Variants in MTCL1 observed in about 807,000 individuals in gnomAD.
MTCL1 encodes the protein microtubule cross-linking factor 1.
Under a neutral mutation model 141.4 loss-of-function variants are expected in MTCL1, and 79 were observed. The ratio of observed to expected loss-of-function variants is 0.56; its 90% CI spans 0.47 to 0.67. The LOEUF (loss-of-function observed/expected upper bound fraction) is 0.67, where lower values mean the gene tolerates loss of function less well. MTCL1 is among the 30% of genes least tolerant of loss of function. MTCL1 has a pLI of 0.00. For synonymous variants in MTCL1, 914 were observed against 875.8 expected (o/e 1.04, Z -0.77); for missense variants, 2,177 against 2,113.9 (o/e 1.03, Z -0.59).
At chr18:8,790,675 C>T (rs2075691090) in intron 7 of MTCL1, among the ~76,000 whole-genome samples, 2 of 152,156 alleles carry the variant, frequency 1.3e-5, no homozygotes, top group South Asian at 4.1e-4. Flanking sequence ...GCTGAATTCC[C>T]AGGAAATTTA....
chr18:8,831,069 C>G (rs1333788047), intron 16 of MTCL1: 1 of 985,714 alleles, frequency 1.0e-6, no homozygotes, highest in Admixed American at 6.1e-5. Flanking sequence ...TTTGTTTAAG[C>G]TACTCCCAGT....
chr18:8,736,798 C>T (rs374507909), intron 4 of MTCL1, among the ~76,000 whole-genome samples: 80 of 152,022 alleles, frequency 5.3e-4, no homozygotes, highest in Admixed American at 1.4e-3. Context: ...CCACCATGCC[C>T]GGCTAATTTT....
At chr18:8,718,816 T>C (rs1020320682) in intron 3 of MTCL1, among the ~76,000 whole-genome samples, 168 bp downstream of exon 2, 1 of 152,170 alleles carries the variant, frequency 6.6e-6, no homozygotes, top group Non-Finnish European at 1.5e-5. Flanking sequence ...TATATGACTT[T>C]GACACCCCAA....
chr18:8,716,568 CATT>C (rs1178959073), upstream of MTCL1, among the ~76,000 whole-genome samples: 5,077 of 108,546 alleles, frequency 0.047, 277 homozygotes, highest in African/African-American at 0.17. Context: ...TCTTTTTGTT[CATT>C]TTTTTTTTTT....
At chr18:8,823,239 G>A (rs2076906050) in intron 14 of MTCL1, among the ~76,000 whole-genome samples, 1 of 152,152 alleles carries the variant, frequency 6.6e-6, no homozygotes, top group South Asian at 2.1e-4. Context: ...CACTGCTGAG[G>A]TTAATGCCTC....
chr18:8,760,458 A>T (rs1382293998), intron 4 of MTCL1, among the ~76,000 whole-genome samples: 1 of 152,234 alleles, frequency 6.6e-6, no homozygotes, highest in Non-Finnish European at 1.5e-5. Context: ...TCTCTAGGGC[A>T]GTGCCTTGAG....
At chr18:8,793,609 C>A (rs1430592552) in intron 8 of MTCL1, among the ~76,000 whole-genome samples, 1 of 152,146 alleles carries the variant, frequency 6.6e-6, no homozygotes, top group Non-Finnish European at 1.5e-5. Flanking sequence ...ATCTGCAAAT[C>A]CTTCCCCAGA....
chr18:8,793,025 C>T lies in MTCL1; in HGVS notation c.1915C>T (p.Gln639Ter). Residue 639 changes from glutamine to a stop codon, truncating the protein, a stop_gained, in exon 8 of 17, where the codon CAG becomes TAG. Coordinates refer to ENST00000359865, the Ensembl canonical transcript of MTCL1. LOFTEE classifies it high-confidence loss of function. The stretch of plus-strand genomic sequence containing the variant: ...CAGGGGCCCCCCCGTTTTACCTGAG[C>T]AGAGTGTATCCATAGAGGAGCTACA... 6.2e-7 allele frequency: 1 copy of T among 1,614,080 alleles called. No individual in the cohort carries two copies. The highest frequency in any genetic ancestry group is 8.5e-7 in the Non-Finnish European group (1 of 1,179,974).
chr18:8,766,570 G>C (rs760739011), intron 4 of MTCL1, among the ~76,000 whole-genome samples: 19 of 152,204 alleles, frequency 1.2e-4, no homozygotes, highest in Non-Finnish European at 2.8e-4. Flanking sequence ...TAATATACTA[G>C]CAGAGATATT....
intron 4 of MTCL1, among the ~76,000 whole-genome samples, chr18:8,738,683 G>A (rs1305537418): frequency 2.0e-5 from 3 of 152,168 alleles, no homozygotes; most frequent in African/African-American, 7.2e-5. Flanking sequence ...GCTTTTTAAA[G>A]TCAGGTTAGA....
intron 4 of MTCL1, among the ~76,000 whole-genome samples, chr18:8,727,664 T>C (rs1376267856): frequency 6.6e-6 from 1 of 152,238 alleles, no homozygotes; most frequent in East Asian, 1.9e-4. Flanking sequence ...GTTTCATTTT[T>C]CTATGTCATT....
intron 4 of MTCL1, among the ~76,000 whole-genome samples, chr18:8,733,142 A>G (rs1035567947): frequency 2.0e-5 from 3 of 152,190 alleles, no homozygotes; most frequent in African/African-American, 7.2e-5. Context: ...CTGAGGACGC[A>G]GTGCCTGGGA....
chr18:8,786,275 G>A (rs1414064288), intron 7 of MTCL1, 184 bp downstream of exon 6: 2 of 746,442 alleles, frequency 2.7e-6, no homozygotes, highest in African/African-American at 1.7e-5. Context: ...GTGTGCGCAG[G>A]TGCCTGCGGT....
chr18:8,729,275 C>CA (rs980637014), intron 4 of MTCL1, among the ~76,000 whole-genome samples: 6 of 151,270 alleles, frequency 4.0e-5, no homozygotes, highest in African/African-American at 1.5e-4. Context: ...AGTCTGGTCT[C>CA]AAACTCCTGG....
At chr18:8,761,023 G>C (rs1018465796) in intron 4 of MTCL1, among the ~76,000 whole-genome samples, 2 of 152,084 alleles carry the variant, frequency 1.3e-5, no homozygotes, top group Non-Finnish European at 2.9e-5. Context: ...TTTTTAAAAA[G>C]TAAGGTCTTT....
intron 4 of MTCL1, among the ~76,000 whole-genome samples, chr18:8,741,343 A>C (rs1005371018): frequency 6.6e-6 from 1 of 152,206 alleles, no homozygotes; most frequent in South Asian, 2.1e-4. Flanking sequence ...TCATTCATCA[A>C]TGTTCTTTGT....
At chr18:8,712,318 G>A (rs1013308404) in intron 1 of MTCL1, among the ~76,000 whole-genome samples, 2 of 152,212 alleles carry the variant, frequency 1.3e-5, no homozygotes, top group Non-Finnish European at 2.9e-5. Flanking sequence ...AGGTTGCAGT[G>A]TCTCACTGCT....
At chr18:8,748,197 C>T (rs938396565) in intron 4 of MTCL1, among the ~76,000 whole-genome samples, 4 of 152,112 alleles carry the variant, frequency 2.6e-5, no homozygotes, top group South Asian at 2.1e-4. Flanking sequence ...CACACCAAGC[C>T]GGACCCCTGC....
chr18:8,754,207 A>T (rs2096386004), intron 4 of MTCL1, among the ~76,000 whole-genome samples: 1 of 152,142 alleles, frequency 6.6e-6, no homozygotes, highest in African/African-American at 2.4e-5. Flanking sequence ...CATAGCTGGG[A>T]TCACAGGTGT....
Sources: gnomAD v4.1 joint callset for allele counts (sites outside exome capture counted in the v4.1 genomes callset) on GRCh38, gnomAD v4.1.1 for gene constraint, MANE v1.5 for transcripts, NCBI Gene and HGNC (gene_info 2026-07-23, HGNC 2026-07-21) for gene names.